Variants in VDAC2 observed in about 807,000 individuals in gnomAD.
VDAC2 encodes the protein non-selective voltage-gated ion channel VDAC2.
A neutral mutation model predicts 36.6 loss-of-function variants in VDAC2; 6 were observed. The observed-to-expected ratio is 0.16, with a 90% CI of 0.09 to 0.32. The LOEUF (loss-of-function observed/expected upper bound fraction) is 0.32. Ranked by LOEUF, VDAC2 falls within the 10% of genes least tolerant of loss-of-function variation. The probability of loss-of-function intolerance (pLI) is 1.00; values close to 1 mark genes in which losing one functional copy is unlikely to be tolerated. For synonymous variants in VDAC2, 109 were observed against 123.8 expected (o/e 0.88, Z 0.79); for missense variants, 247 against 346.0 (o/e 0.71, Z 2.27).
rs772012986 is a variant in VDAC2, at chr10:75,220,842, A to G, written c.456A>G (p.Ser152=). ...TTGCTGGACCTGCAATCCATGGTTC[A>G]GCTGTCTTTGGTTATGAGGGCTGGC... ...FDFAGPAIHG[S]AVFGYEGWLA... Residue 152 remains serine (S), a synonymous_variant, in exon 7 of 10, where the codon TCA becomes TCG. Transcript: ENST00000332211. 6.2e-7 allele frequency: 1 copy of G among 1,613,746 alleles called. No homozygotes were observed. The highest frequency in any genetic ancestry group is 1.1e-5 in the South Asian group (1 of 91,058).
At chr10:75,223,476 G>A (rs1421120380) in intron 8 of VDAC2, among the ~76,000 whole-genome samples, 1 of 152,184 alleles carries the variant, frequency 6.6e-6, no homozygotes, top group African/African-American at 2.4e-5. Flanking sequence ...GTCATTTAAT[G>A]ACTCCTGGGA....
chr10:75,211,809 A>G (rs1486833749), intron 2 of VDAC2: 4 of 1,027,860 alleles, frequency 3.9e-6, no homozygotes, highest in Non-Finnish European at 5.7e-6. Context: ...CAGCGAAGAT[A>G]TTAAAGGACG....
chr10:75,228,364 C>T (rs1842018726), intron 8 of VDAC2, among the ~76,000 whole-genome samples: 1 of 151,960 alleles, frequency 6.6e-6, no homozygotes, highest in African/African-American at 2.4e-5. Context: ...GCTTGAGATC[C>T]TTCCACTCAC....
rs755678074 is a variant in VDAC2, at chr10:75,220,808, A to C, written c.422A>C (p.Asp141Ala). 33 of 1,613,222 alleles carry C rather than the reference A, an allele frequency of 2.0e-5. No individual in the cohort carries two copies. Among genetic ancestry groups the C allele is most frequent in the Non-Finnish European group, 2.7e-5 (32 of 1,179,496 alleles). ...RECINLGCDV[D>A]FDFAGPAIHG... ...TGTATAAACCTTGGTTGTGATGTTG[A>C]CTTTGATTTTGCTGGACCTGCAATC... Residue 141 changes from aspartate to alanine, a missense_variant, in exon 7 of 10, where the codon GAC (aspartate) becomes GCC (alanine). Around this residue, in one of 3 missense-constraint regions of VDAC2, gnomAD observed 159 missense variants for 234.0 expected, o/e 0.68. Coordinates refer to ENST00000332211, the MANE Select transcript of VDAC2 (RefSeq NM_001391963.1).
chr10:75,218,519 T>C (rs531152717), intron 4 of VDAC2, among the ~76,000 whole-genome samples: 16 of 152,174 alleles, frequency 1.1e-4, no homozygotes, highest in Non-Finnish European at 2.4e-4. Context: ...CCCAACACTT[T>C]GGGAGGCCGA....
chr10:75,216,858 T>A (rs1841621878), intron 4 of VDAC2, among the ~76,000 whole-genome samples: 1 of 152,216 alleles, frequency 6.6e-6, no homozygotes, highest in African/African-American at 2.4e-5. Flanking sequence ...AATGCTTTCC[T>A]TTTCTGTGGA....
chr10:75,212,334 A>G, intron 3 of VDAC2, 36 bp downstream of exon 3: 1 of 1,565,008 alleles, frequency 6.4e-7, no homozygotes, highest in Non-Finnish European at 8.7e-7. Flanking sequence ...TTAGATAAAG[A>G]GTGAAAATGT....
At chr10:75,215,508 C>T (rs1246014978) in intron 4 of VDAC2, among the ~76,000 whole-genome samples, 4 of 151,062 alleles carry the variant, frequency 2.6e-5, no homozygotes, top group East Asian at 2.0e-4. Flanking sequence ...CGGGCCACCA[C>T]GCCCAGCTAA....
At chr10:75,215,721 G>GTT (rs796837971) in intron 4 of VDAC2, among the ~76,000 whole-genome samples, 3 of 135,868 alleles carry the variant, frequency 2.2e-5, no homozygotes, top group African/African-American at 8.0e-5. Context: ...TTTTTGTTTT[G>GTT]TTTTTTTTTT....
chr10:75,215,727 T>G (rs1354692987), intron 4 of VDAC2, among the ~76,000 whole-genome samples: 2 of 150,434 alleles, frequency 1.3e-5, no homozygotes, highest in African/African-American at 4.9e-5. Flanking sequence ...TTTTGTTTTT[T>G]TTTTTTTCCT....
At chr10:75,220,345 G>A (rs1224750733) in intron 6 of VDAC2, among the ~76,000 whole-genome samples, 3 of 151,852 alleles carry the variant, frequency 2.0e-5, no homozygotes, top group Non-Finnish European at 4.4e-5. Flanking sequence ...CTGACCTCAG[G>A]TGATCCGCCC....
chr10:75,211,065 C>G lies in VDAC2; in HGVS notation c.-25-69C>G, dbSNP rs1589995381. 3.5e-6 allele frequency: 5 copies of G among 1,428,132 alleles called. No homozygotes were observed. The East Asian group carries it at 7.9e-5, about 23-fold the overall frequency. 88.5% of individuals were successfully genotyped at this position (1,428,132 alleles called of 1,614,324 possible). A position where few individuals can be genotyped will look rare whatever the true frequency, so the allele number is the denominator to read the frequency against. Reference sequence around the variant, plus strand: ...GCCGCGCTGCCCCGCGGCCCCTCGCCCCTCTCTGCCCGGGATCTCCCTTTG... The same window carrying G: ...GCCGCGCTGCCCCGCGGCCCCTCGCGCCTCTCTGCCCGGGATCTCCCTTTG... On this transcript the variant is annotated intron_variant, in intron 1 of 9. Transcript: ENST00000332211.
intron 3 of VDAC2, among the ~76,000 whole-genome samples, chr10:75,212,887 C>T (rs1023545516): frequency 6.6e-6 from 1 of 152,080 alleles, no homozygotes; most frequent in African/African-American, 2.4e-5. Context: ...CCCTGGTTGA[C>T]TAGAGTTACG....
chr10:75,212,946 G>T (rs1356114378), intron 3 of VDAC2, among the ~76,000 whole-genome samples: 1 of 152,024 alleles, frequency 6.6e-6, no homozygotes, highest in African/African-American at 2.4e-5. Context: ...TTTATCTAGA[G>T]TTATGAGCTT....
chr10:75,223,879 G>A (rs1841887868), intron 8 of VDAC2, among the ~76,000 whole-genome samples: 2 of 152,168 alleles, frequency 1.3e-5, no homozygotes, highest in African/African-American at 2.4e-5. Flanking sequence ...AGGTCAGTGA[G>A]CTAGGTAGCT....
At chr10:75,227,032 A>G (rs1841974424) in intron 8 of VDAC2, among the ~76,000 whole-genome samples, 2 of 152,236 alleles carry the variant, frequency 1.3e-5, no homozygotes, top group South Asian at 4.1e-4. Flanking sequence ...AAGGTAAACA[A>G]TAATACATTC....
intron 6 of VDAC2, 100 bp downstream of exon 6, chr10:75,219,456 C>A: frequency 1.0e-6 from 1 of 977,818 alleles, no homozygotes; most frequent in Non-Finnish European, 1.5e-6. Context: ...TATTAAGCTA[C>A]CTTGTGGTGG....
chr10:75,220,685 T>A, intron 6 of VDAC2, 58 bp from the exon 7 acceptor site: 3 of 1,456,894 alleles, frequency 2.1e-6, no homozygotes, highest in Non-Finnish European at 2.8e-6. Context: ...TTTTGTGCTC[T>A]CTTGTGCAGA....
At chr10:75,211,638 C>G (rs750059606) in intron 2 of VDAC2, 1 of 1,550,496 alleles carries the variant, frequency 6.4e-7, no homozygotes, top group South Asian at 1.2e-5. Flanking sequence ...CAGCATTGGC[C>G]GAGGACTTGA....
Sources: allele counts gnomAD v4.1 joint callset (sites outside exome capture counted in the v4.1 genomes callset), GRCh38; gene constraint gnomAD v4.1.1; regional missense constraint gnomAD v4.1.1; transcripts MANE v1.5; gene names NCBI Gene and HGNC (gene_info 2026-07-23, HGNC 2026-07-21).